ZNF843: variants seen among roughly 807,000 people sequenced by gnomAD.
The protein encoded by ZNF843 is zinc finger protein 843.
For missense variants in ZNF843, 482 were observed against 469.4 expected (o/e 1.03, Z -0.25); for synonymous variants, 185 against 207.7 (o/e 0.89, Z 0.94).
chr16:31,437,551 C>G (rs938419113), intron 1 of ZNF843, among the ~76,000 whole-genome samples: 2 of 150,982 alleles, frequency 1.3e-5, no homozygotes, highest in African/African-American at 4.9e-5. Context: ...AGCGGTTGGC[C>G]CACCTGGGCC....
In ZNF843 at chr16:31,436,417, A is replaced by G; in HGVS notation, c.433T>C (p.Phe145Leu). The G allele has an allele frequency of 6.4e-7, 1 of 1,551,454 alleles. No homozygotes were observed. The highest frequency in any genetic ancestry group is 1.2e-5 in the South Asian group (1 of 84,014). The change falls in exon 2 of 2, where the codon TTC becomes CTC. Residue 145 changes from phenylalanine to leucine, a missense_variant. Physicochemically the swap from Phe to Leu is conservative, Grantham distance 22. Transcript: ENST00000315678. ...CTGTCACCGCAGCTGCAGCAGCAGA[A>G]GGGACACACTCTCCTGTGTGAATTC... Reference protein sequence around the residue: ...PANSHRRVCPFCCCSCGDSVN... With the variant: ...PANSHRRVCPLCCCSCGDSVN...
chr16:31,441,483 AT>A (rs891208651), intron 1 of ZNF843, among the ~76,000 whole-genome samples: 1 of 151,934 alleles, frequency 6.6e-6, no homozygotes, highest in Non-Finnish European at 1.5e-5. Context: ...CAGTATTATT[AT>A]TGATTATTAT....
At chr16:31,440,056 A>G (rs1273987498) in intron 1 of ZNF843, among the ~76,000 whole-genome samples, 3 of 152,220 alleles carry the variant, frequency 2.0e-5, no homozygotes, top group Non-Finnish European at 4.4e-5. Context: ...GCCAGGTACT[A>G]TTCTAAGAGT....
At position 31,436,711 on chromosome 16, in the gene ZNF843, A is replaced by G; in HGVS notation, c.139T>C (p.Ser47Pro). ...ACGRGFTQSA[S>P]LLQHWRVHSD... ...TGGACCCGCCAGTGCTGGAGGAGGG[A>G]TGCGCTCTGAGTAAAACCCCTCCCG... The change falls in exon 2 of 2, where the codon TCC (serine) becomes CCC (proline). Residue 47 changes from serine to proline, a missense_variant. Transcript: ENST00000315678. The G allele has an allele frequency of 1.9e-6, 3 of 1,551,644 alleles. No homozygotes were observed. The highest frequency in any genetic ancestry group is 2.6e-6 in the Non-Finnish European group (3 of 1,147,018).
Position 31,436,347 on chromosome 16 carries a change from G to C in ZNF843, c.503C>G (p.Pro168Arg). 1 of 1,546,564 alleles carries C rather than the reference G, an allele frequency of 6.5e-7. No individual in the cohort carries two copies. The highest frequency in any genetic ancestry group is 1.4e-5 in the African/African-American group (1 of 73,136). Reference sequence around the variant, plus strand: ...CCCACCCCTGCAGGTCTTCTCCCCTGGGTGCGGAAGGACGCGCTGGGAGAG... The same window carrying C: ...CCCACCCCTGCAGGTCTTCTCCCCTCGGTGCGGAAGGACGCGCTGGGAGAG... ...TSLSQRVLPHPGEKTCRGGSV... is the reference protein window; with the variant it reads ...TSLSQRVLPHRGEKTCRGGSV... The change falls in exon 2 of 2, where the codon CCA becomes CGA. Residue 168 changes from proline to arginine, a missense_variant. Transcript: ENST00000315678.
chr16:31,436,348 G>C lies in ZNF843; in HGVS notation c.502C>G (p.Pro168Ala). The change falls in exon 2 of 2, where the codon CCA becomes GCA. Residue 168 changes from proline (P) to alanine (A), a missense_variant. Pro to Ala is a conservative substitution (Grantham distance 27). Coordinates refer to ENST00000315678, the MANE Select transcript of ZNF843 (RefSeq NM_001136509.3). The stretch of plus-strand genomic sequence containing the variant: ...CCACCCCTGCAGGTCTTCTCCCCTG[G>C]GTGCGGAAGGACGCGCTGGGAGAGG... ...TSLSQRVLPH[P>A]GEKTCRGGSV... 6.5e-7 allele frequency: 1 copy of C among 1,546,658 alleles called. No individual in the cohort carries two copies. Among genetic ancestry groups the C allele is most frequent in the African/African-American group, 1.4e-5 (1 of 73,126 alleles).
chr16:31,435,829 G>A lies in ZNF843; in HGVS notation c.1021C>T (p.Arg341Trp), dbSNP rs377712802. The A allele has an allele frequency of 1.2e-4, 177 of 1,464,900 alleles. No individual in the cohort carries two copies. The African/African-American group carries it at 2.1e-3, about 18-fold the overall frequency. 90.7% of individuals were successfully genotyped at this position (1,464,900 alleles called of 1,614,324 possible). A position where few individuals can be genotyped will look rare whatever the true frequency, so the allele number is the denominator to read the frequency against. Residue 341 changes from arginine to tryptophan, a missense_variant, in exon 2 of 2, where the codon CGG (arginine) becomes TGG (tryptophan). Transcript: ENST00000315678. Reference sequence around the variant, plus strand: ...CAGTGTCGGGCCAGGTTGGACCTCCGGCTGGAGGCCTTCCACACCGGAAAC... The same window carrying A: ...CAGTGTCGGGCCAGGTTGGACCTCCAGCTGGAGGCCTTCCACACCGGAAAC... ...PVFPVWKASS[R>W]RSNLARH
rs1441724826 is a variant in ZNF843, at chr16:31,436,443, G to A, written c.407C>T (p.Ala136Val). Reference protein sequence around the residue: ...WGPVEADRPPANSHRRVCPFC... With the variant: ...WGPVEADRPPVNSHRRVCPFC... ...GGGACACACTCTCCTGTGTGAATTC[G>A]CTGGTGGCCGATCAGCTTCCACCGG... The change falls in exon 2 of 2, where the codon GCG becomes GTG. Residue 136 changes from alanine (A) to valine (V), a missense_variant. Physicochemically the swap from Ala to Val is moderately conservative, Grantham distance 64. Transcript: ENST00000315678. 2 of 1,551,672 alleles carry A rather than the reference G, an allele frequency of 1.3e-6. No individual in the cohort carries two copies. The highest frequency in any genetic ancestry group is 1.7e-6 in the Non-Finnish European group (2 of 1,146,978).
intron 1 of ZNF843, among the ~76,000 whole-genome samples, chr16:31,439,532 C>G (rs917324485): frequency 2.0e-5 from 3 of 152,148 alleles, no homozygotes; most frequent in Non-Finnish European, 2.9e-5. Context: ...TGTGGTTTAC[C>G]CATGTAACAG....
chr16:31,442,327 T>C (rs898192329), intron 1 of ZNF843, among the ~76,000 whole-genome samples: 18 of 151,792 alleles, frequency 1.2e-4, no homozygotes, highest in African/African-American at 4.3e-4. Context: ...ATTTATTTAT[T>C]TATTTATTTT....
In ZNF843 at chr16:31,436,341, T is replaced by G; in HGVS notation, c.509A>C (p.Glu170Ala). 1 of 1,546,582 alleles carries G rather than the reference T, an allele frequency of 6.5e-7. No individual in the cohort carries two copies. Among genetic ancestry groups the G allele is most frequent in the Non-Finnish European group, 8.7e-7 (1 of 1,143,784 alleles). ...CACGCTCCCACCCCTGCAGGTCTTCTCCCCTGGGTGCGGAAGGACGCGCTG... is the reference window on the plus strand; with the variant it reads ...CACGCTCCCACCCCTGCAGGTCTTCGCCCCTGGGTGCGGAAGGACGCGCTG... ...LSQRVLPHPG[E>A]KTCRGGSVES... Residue 170 changes from glutamate to alanine, a missense_variant, in exon 2 of 2, where the codon GAG becomes GCG. Coordinates refer to ENST00000315678, the MANE Select transcript of ZNF843 (RefSeq NM_001136509.3).
At chr16:31,437,297 C>CTTTTTTTTTTTTTTTTTT (rs59710664) in intron 1 of ZNF843, 113 bp from the exon 2 acceptor site, 9 of 81,996 alleles carry the variant, frequency 1.1e-4, no homozygotes, top group African/African-American at 4.5e-4. Flanking sequence ...TTCTTTCCTT[C>CTTTTTTTTTTTTTTTTTT]TTTTTTTTTT....
rs547983320 is a variant in ZNF843, at chr16:31,439,094, T to C, written c.-335-1910A>G. On this transcript the variant is annotated intron_variant, in intron 1 of 1. Coordinates refer to ENST00000315678, the MANE Select transcript of ZNF843 (RefSeq NM_001136509.3). ...GCAGCACACCAACATGGCACATGTA[T>C]ACATATGTAACAAACCTGCACGTTG... Among the ~76,000 whole-genome samples, 4 of 152,238 alleles carry C rather than the reference T, an allele frequency of 2.6e-5. No homozygotes were observed. In the East Asian group the frequency reaches 7.7e-4, roughly 29 times the overall value.
At position 31,435,583 on chromosome 16, in the gene ZNF843, CGCA is replaced by C. The variant is rs2082175482; in HGVS notation, c.*217_*219del. 1 of 425,908 alleles carries C rather than the reference CGCA, an allele frequency of 2.3e-6. No individual in the cohort carries two copies. Among genetic ancestry groups the C allele is most frequent in the African/African-American group, 2.0e-5 (1 of 48,828 alleles). 26.4% of individuals were successfully genotyped at this position (425,908 alleles called of 1,614,324 possible). A position where few individuals can be genotyped will look rare whatever the true frequency, so the allele number is the denominator to read the frequency against. On this transcript the variant is annotated 3_prime_UTR_variant, in exon 2 of 2. Coordinates refer to ENST00000315678, the MANE Select transcript of ZNF843 (RefSeq NM_001136509.3). The stretch of plus-strand genomic sequence containing the variant: ...GGGATTACAGGTGTGAGTCACCGCC[CGCA>C]GCCGCACCTGCCTAAATCCCTTAAT...
In ZNF843 at chr16:31,441,659, T is replaced by A. The variant is rs557167650; in HGVS notation, c.-336+977A>T. Among the ~76,000 whole-genome samples, 35 of 152,018 alleles carry A rather than the reference T, an allele frequency of 2.3e-4. 1 individual carries two copies. The highest frequency in any genetic ancestry group is 8.2e-4 in the African/African-American group (34 of 41,392). ...ACCACACCTGGCTAATTTTTTTTTT[T>A]TAAATAATTAGTGTAGACAGGATCT... On this transcript the variant is annotated intron_variant, in intron 1 of 1. Transcript: ENST00000315678.
chr16:31,436,100 A>G lies in ZNF843; in HGVS notation c.750T>C (p.Val250=). ...GCTGGGTGGCTGGCGGAACCTGGGCAACTTCCAGGCCTCCCAGAGGCACTG... is the reference window on the plus strand; with the variant it reads ...GCTGGGTGGCTGGCGGAACCTGGGCGACTTCCAGGCCTCCCAGAGGCACTG... ...VPAVPLGGLE[V]AQVPPATQPA... Residue 250 remains valine (V), a synonymous_variant, in exon 2 of 2, where the codon GTT becomes GTC. Transcript: ENST00000315678. The G allele has an allele frequency of 6.4e-7, 1 of 1,550,446 alleles. No homozygotes were observed. The highest frequency in any genetic ancestry group is 8.7e-7 in the Non-Finnish European group (1 of 1,146,502).
rs1458563006 is a variant in ZNF843, at chr16:31,436,288, C to T, written c.562G>A (p.Val188Ile). 1 of 1,549,450 alleles carries T rather than the reference C, an allele frequency of 6.5e-7. No individual in the cohort carries two copies. Among genetic ancestry groups the T allele is most frequent in the Middle Eastern group, 1.7e-4 (1 of 5,912 alleles). ...VESVSLAPSSVAPDSTSGLRP... is the reference protein window; with the variant it reads ...VESVSLAPSSIAPDSTSGLRP... The stretch of plus-strand genomic sequence containing the variant: ...AGCCCAGAGGTGCTGTCCGGGGCGA[C>T]TGAGCTGGGTGCGAGGCTGACGCTC... The change falls in exon 2 of 2, where the codon GTC (valine) becomes ATC (isoleucine). Residue 188 changes from valine to isoleucine, a missense_variant. Physicochemically the swap from Val to Ile is conservative, Grantham distance 29 (BLOSUM62 3). Transcript: ENST00000315678.
chr16:31,435,887 G>A lies in ZNF843; in HGVS notation c.963C>T (p.Pro321=). 6.5e-7 allele frequency: 1 copy of A among 1,541,338 alleles called. No individual in the cohort carries two copies. Among genetic ancestry groups the A allele is most frequent in the Non-Finnish European group, 8.8e-7 (1 of 1,142,272 alleles). Residue 321 remains proline, a synonymous_variant, in exon 2 of 2, where the codon CCC becomes CCT. Coordinates refer to ENST00000315678, the MANE Select transcript of ZNF843 (RefSeq NM_001136509.3). The stretch of plus-strand genomic sequence containing the variant: ...GGGCTCCTCTCCAGTGTGGGTTCGA[G>A]GGCGGTGGAGGAGCTCGGCACTGTC... The part of the protein sequence containing the change: ...LQRQCRAPPP[P]SNPHWRGALP...
At chr16:31,439,507 G>A (rs1181404920) in intron 1 of ZNF843, among the ~76,000 whole-genome samples, 1 of 152,178 alleles carries the variant, frequency 6.6e-6, no homozygotes, top group East Asian at 1.9e-4. Context: ...TCCATCAATG[G>A]GTGGAAGAAT....
Sources: gnomAD v4.1 joint callset for allele counts (sites outside exome capture counted in the v4.1 genomes callset) on GRCh38, gnomAD v4.1.1 for gene constraint, MANE v1.5 for transcripts, NCBI Gene and HGNC (gene_info 2026-07-23, HGNC 2026-07-21) for gene names.